Variants in ERBB4 observed in about 807,000 individuals in gnomAD.
The protein encoded by ERBB4 is erb-b2 receptor tyrosine kinase 4.
A neutral mutation model predicts 158.0 loss-of-function variants in ERBB4; 42 were observed. The ratio of observed to expected loss-of-function variants is 0.27; its 90% confidence interval spans 0.21 to 0.34. ERBB4 has a LOEUF of 0.34. Ranked by LOEUF, ERBB4 falls within the 10% of genes least tolerant of loss-of-function variation. The pLI is 1.00. For synonymous variants in ERBB4, 583 were observed against 558.7 expected, an observed-to-expected ratio of 1.04 and a Z score of -0.61; for missense variants, 1,333 against 1,624.1, an observed-to-expected ratio of 0.82 and a Z score of 3.08.
At chr2:212,531,927 A>G (rs1692778083) in intron 1 of ERBB4, among the ~76,000 whole-genome samples, 1 of 152,140 alleles carries the variant, frequency 6.6e-6, no homozygotes. Context: ...TTATCAATGC[A>G]ATCAATGATT....
chr2:212,112,676 T>A (rs1027326161), intron 2 of ERBB4, among the ~76,000 whole-genome samples: 1 of 152,132 alleles, frequency 6.6e-6, no homozygotes, highest in Non-Finnish European at 1.5e-5. Flanking sequence ...TTACAAAATG[T>A]GAATAACAAC....
At chr2:212,537,848 G>C (rs893579259) in intron 1 of ERBB4, among the ~76,000 whole-genome samples, 1 of 152,008 alleles carries the variant, frequency 6.6e-6, no homozygotes. Flanking sequence ...CAGAACTCCG[G>C]GCCCCGGACC....
intron 1 of ERBB4, among the ~76,000 whole-genome samples, chr2:212,464,235 T>C (rs1320943622): frequency 1.3e-5 from 2 of 152,168 alleles, no homozygotes; most frequent in Non-Finnish European, 2.9e-5. Context: ...CACTATTGTG[T>C]CATATTTTTA....
chr2:211,786,381 C>T (rs2076165130), intron 4 of ERBB4, among the ~76,000 whole-genome samples: 1 of 152,130 alleles, frequency 6.6e-6, no homozygotes, highest in South Asian at 2.1e-4. Context: ...GCAAATAAAA[C>T]TACTATGTAA....
chr2:211,572,671 T>A (rs1574779324), intron 19 of ERBB4, among the ~76,000 whole-genome samples: 1 of 152,196 alleles, frequency 6.6e-6, no homozygotes, highest in Non-Finnish European at 1.5e-5. Flanking sequence ...CTGTTACTCA[T>A]CTTGAAGTAC....
At chr2:211,608,508 A>G (rs1305594175) in intron 19 of ERBB4, among the ~76,000 whole-genome samples, 1 of 152,200 alleles carries the variant, frequency 6.6e-6, no homozygotes, top group Admixed American at 6.5e-5. Context: ...CTCTCAAAAT[A>G]GGCATATTAA....
chr2:211,850,695 T>C (rs1285351122), intron 3 of ERBB4, among the ~76,000 whole-genome samples: 1 of 151,906 alleles, frequency 6.6e-6, no homozygotes, highest in African/African-American at 2.4e-5. Context: ...TATTAATTCA[T>C]ATGGCTGGTA....
rs762908853 is a variant in ERBB4, at chr2:211,378,856, GTA to G, written c.*4757_*4758del. On this transcript the variant is annotated 3_prime_UTR_variant, in exon 28 of 28. Transcript: ENST00000342788. Reference sequence around the variant, plus strand: ...GGCACAGTAAGATCCTCTGCCCACAGTATATACAGTAGAAGTTAATTTATCTG... The same window carrying G: ...GGCACAGTAAGATCCTCTGCCCACAGTATACAGTAGAAGTTAATTTATCTG... 0.01 allele frequency: 2,389 copies of G among 229,712 alleles called. 21 individuals are homozygous for G. Among genetic ancestry groups the G allele is most frequent in the South Asian group, 0.015 (82 of 5,318 alleles). 14.2% of individuals were successfully genotyped at this position (229,712 alleles called of 1,614,324 possible).
chr2:211,402,109 G>A (rs925668610), intron 25 of ERBB4, among the ~76,000 whole-genome samples: 7 of 151,792 alleles, frequency 4.6e-5, no homozygotes, highest in African/African-American at 1.5e-4. Context: ...TTAAATATTA[G>A]GCATCCCAAG....
intron 1 of ERBB4, among the ~76,000 whole-genome samples, chr2:212,248,457 T>C (rs1253325613): frequency 6.6e-6 from 1 of 152,178 alleles, no homozygotes; most frequent in Non-Finnish European, 1.5e-5. Flanking sequence ...TTCTATACTG[T>C]CAATGATAAA....
At chr2:212,475,764 G>A (rs1198397206) in intron 1 of ERBB4, among the ~76,000 whole-genome samples, 2 of 151,992 alleles carry the variant, frequency 1.3e-5, no homozygotes, top group Non-Finnish European at 2.9e-5. Flanking sequence ...TAGAACAAAA[G>A]TTATTGGGGT....
At chr2:212,468,494 G>A (rs970459754) in intron 1 of ERBB4, among the ~76,000 whole-genome samples, 3 of 152,064 alleles carry the variant, frequency 2.0e-5, no homozygotes, top group East Asian at 1.9e-4. Context: ...TTAGCCTGCC[G>A]CCATCCACAT....
intron 20 of ERBB4, among the ~76,000 whole-genome samples, chr2:211,467,523 G>T (rs530925031): frequency 1.4e-4 from 21 of 152,222 alleles, no homozygotes; most frequent in Middle Eastern, 6.8e-3. Flanking sequence ...ACCTGTCCAT[G>T]CAGTGGACCT....
At chr2:212,512,529 G>A (rs114312354) in intron 1 of ERBB4, among the ~76,000 whole-genome samples, 2,205 of 152,014 alleles carry the variant, frequency 0.015, 49 homozygotes, top group African/African-American at 0.051. Flanking sequence ...CCATTTCTAG[G>A]CCCTCCTCAT....
chr2:212,444,868 T>C (rs1305795044), intron 1 of ERBB4, among the ~76,000 whole-genome samples: 2 of 151,860 alleles, frequency 1.3e-5, no homozygotes, highest in East Asian at 3.8e-4. Context: ...TTGGACCTCT[T>C]CCATCATGGA....
intron 2 of ERBB4, among the ~76,000 whole-genome samples, chr2:211,952,647 T>C (rs2080904545): frequency 2.0e-5 from 3 of 152,100 alleles, no homozygotes; most frequent in Admixed American, 6.6e-5. Context: ...AACCTAGCCT[T>C]TGTGCTTACT....
chr2:212,045,448 G>C (rs909399204), intron 2 of ERBB4, among the ~76,000 whole-genome samples: 1 of 152,146 alleles, frequency 6.6e-6, no homozygotes, highest in Non-Finnish European at 1.5e-5. Context: ...ATAGAGGAGA[G>C]AGGAGATTCT....
chr2:212,345,272 A>AAAAAAAAAAG (rs2088939826), intron 1 of ERBB4, among the ~76,000 whole-genome samples: 1 of 149,714 alleles, frequency 6.7e-6, no homozygotes. Context: ...TCTCAAAAAA[A>AAAAAAAAAAG]AAAAAGCACT....
chr2:212,320,564 A>T (rs1230390701), intron 1 of ERBB4, among the ~76,000 whole-genome samples: 2 of 149,490 alleles, frequency 1.3e-5, no homozygotes, highest in East Asian at 3.9e-4. Context: ...GAGTTCTCAG[A>T]ACTGGAAAGA....
Sources: gnomAD v4.1 joint callset for allele counts (sites outside exome capture counted in the v4.1 genomes callset) on GRCh38, gnomAD v4.1.1 for gene constraint, MANE v1.5 for transcripts, NCBI Gene and HGNC (gene_info 2026-07-23, HGNC 2026-07-21) for gene names.